Variants in KCNC3 observed in about 807,000 individuals in gnomAD.
The protein encoded by KCNC3 is potassium voltage-gated channel subfamily C member 3.
KCNC3 carries 22 observed loss-of-function variants against 43.9 expected under a neutral mutation model. The ratio of observed to expected loss-of-function variants is 0.50; its 90% CI spans 0.36 to 0.72. The LOEUF is 0.72. KCNC3 is among the 30% of genes least tolerant of loss of function. KCNC3 has a pLI of 0.00. For synonymous variants in KCNC3, 492 were observed against 488.0 expected (o/e 1.01, Z -0.11); for missense variants, 829 against 1,073.8 (o/e 0.77, Z 3.19).
At chr19:50,325,585 TCC>T (rs113699983) in intron 1 of KCNC3, among the ~76,000 whole-genome samples, 3 of 151,676 alleles carry the variant, frequency 2.0e-5, no homozygotes, top group Non-Finnish European at 2.9e-5. Flanking sequence ...CTCTCTGAAC[TCC>T]CCCCCCACCC....
At position 50,312,181 on chromosome 19, in the gene KCNC3, C is replaced by G. The variant is rs2036885366; in HGVS notation, c.*3934G>C. The G allele has an allele frequency of 6.6e-6, 1 of 152,150 alleles. No individual in the cohort carries two copies. The highest frequency in any genetic ancestry group is 1.5e-5 in the Non-Finnish European group (1 of 68,046). 9.4% of individuals were successfully genotyped at this position (152,150 alleles called of 1,614,324 possible). On this transcript the variant is annotated 3_prime_UTR_variant, in exon 5 of 5. Coordinates refer to ENST00000477616, the MANE Select transcript of KCNC3 (RefSeq NM_004977.3). ...CCAGAGTTGGACGATTTGCAGACCTCCCCTCCCCACACTGTCTCCGAACCC... is the reference window on the plus strand; with the variant it reads ...CCAGAGTTGGACGATTTGCAGACCTGCCCTCCCCACACTGTCTCCGAACCC...
chr19:50,325,827 G>T (rs1259642451), intron 1 of KCNC3, among the ~76,000 whole-genome samples: 1 of 151,882 alleles, frequency 6.6e-6, no homozygotes, highest in Non-Finnish European at 1.5e-5. Flanking sequence ...TTCCGGGCCG[G>T]AGCCTATTCA....
chr19:50,323,528 G>T lies in KCNC3; in HGVS notation c.1425C>A (p.Asp475Glu), dbSNP rs1363908751. 3.1e-6 allele frequency: 5 copies of T among 1,614,122 alleles called. No homozygotes were observed. The South Asian group carries it at 5.5e-5, about 18-fold the overall frequency. The change falls in exon 2 of 5, where the codon GAC (aspartate) becomes GAA (glutamate). Residue 475 changes from aspartate (D) to glutamate (E), a missense_variant. Physicochemically the swap from Asp to Glu is conservative, Grantham distance 45. Around this residue, in one of 7 missense-constraint regions of KCNC3, gnomAD observed 21 missense variants for 21.0 expected, o/e 1.00. Coordinates refer to ENST00000477616, the MANE Select transcript of KCNC3 (RefSeq NM_004977.3). ...GGTTGGAGCCCAGGATGTCATCGGG[G>T]TCGGCGCCAATGCGCTCAGCGTAGT... ...MIYYAERIGA[D>E]PDDILGSNHT...
intron 1 of KCNC3, among the ~76,000 whole-genome samples, chr19:50,327,431 G>A (rs1470444328): frequency 6.6e-6 from 1 of 152,070 alleles, no homozygotes; most frequent in African/African-American, 2.4e-5. Context: ...CCAAGACTCA[G>A]TATTGCAGTG....
chr19:50,319,015 GAATC>G (rs2036993058), intron 4 of KCNC3, among the ~76,000 whole-genome samples: 1 of 95,082 alleles, frequency 1.1e-5, no homozygotes, highest in Non-Finnish European at 2.4e-5. Flanking sequence ...AAAAAAAAAA[GAATC>G]AGTTGCTGAA....
At chr19:50,325,599 C>T (rs1251532805) in intron 1 of KCNC3, among the ~76,000 whole-genome samples, 2 of 152,160 alleles carry the variant, frequency 1.3e-5, no homozygotes, top group Non-Finnish European at 2.9e-5. Flanking sequence ...CCCCCACCCC[C>T]ACCTTCGCTT....
In KCNC3 at chr19:50,328,913, G is replaced by T; in HGVS notation, c.170C>A (p.Ala57Glu). ...GPAASPAGPP[A>E]PRGPGDRRAE... ...GCGCCGGTCCCCGGGCCCGCGGGGT[G>T]CCGGGGGGCCCGCCGGGGACGCGGC... Residue 57 changes from alanine (A) to glutamate (E), a missense_variant, in exon 1 of 5, where the codon GCA becomes GAA. Around this residue, in one of 7 missense-constraint regions of KCNC3, gnomAD observed 129 missense variants for 83.6 expected, o/e 1.54. Transcript: ENST00000477616. The T allele has an allele frequency of 2.2e-6, 2 of 892,476 alleles. No homozygotes were observed. Among genetic ancestry groups the T allele is most frequent in the Non-Finnish European group, 2.7e-6 (2 of 746,704 alleles). 55.3% of individuals were successfully genotyped at this position (892,476 alleles called of 1,614,324 possible).
rs1304445942 is a variant in KCNC3, at chr19:50,328,649, G to A, written c.434C>T (p.Ala145Val). The change falls in exon 1 of 5, where the codon GCG becomes GTG. Residue 145 changes from alanine to valine, a missense_variant. By Grantham distance (64) the Ala-to-Val change is moderately conservative (BLOSUM62 0). This residue lies in a region of KCNC3 where 121 missense variants were observed against 247.4 expected (regional missense o/e 0.49). Transcript: ENST00000477616. ...GGTGCGGTAGTAGTTGAGCACGTAC[G>A]CGAAGACTCCCGGGTGCCGGTCAAA... is the stretch of plus-strand genomic sequence containing the variant. ...FFFDRHPGVF[A>V]YVLNYYRTGK... The A allele has an allele frequency of 1.9e-6, 3 of 1,611,380 alleles. No individual in the cohort carries two copies. Among genetic ancestry groups the A allele is most frequent in the East Asian group, 2.2e-5 (1 of 44,794 alleles).
rs914493413 is a variant in KCNC3 at position 50,316,048 on chromosome 19, G to A, written c.*67C>T. 7.8e-6 allele frequency: 3 copies of A among 385,592 alleles called. No homozygotes were observed. The highest frequency in any genetic ancestry group is 3.9e-5 in the East Asian group (1 of 25,376). 23.9% of individuals were successfully genotyped at this position (385,592 alleles called of 1,614,324 possible). A position where few individuals can be genotyped will look rare whatever the true frequency, so the allele number is the denominator to read the frequency against. On this transcript the variant is annotated 3_prime_UTR_variant, in exon 5 of 5. Coordinates refer to ENST00000477616, the MANE Select transcript of KCNC3 (RefSeq NM_004977.3). Reference sequence around the variant, plus strand: ...AATTGCTAACCTGGGGGGAAGGGGCGGGGGGGACCGAAAGTCTCGCGAGGT... The same window carrying A: ...AATTGCTAACCTGGGGGGAAGGGGCAGGGGGGACCGAAAGTCTCGCGAGGT...
chr19:50,324,586 G>A lies in KCNC3; in HGVS notation c.871-504C>T, dbSNP rs11880719. ...CAGAATCGTGAGGTGGTTAAGAGTC[G>A]GCGAGCCTGGGCATGAATCTGGCTT... On this transcript the variant is annotated intron_variant, in intron 1 of 4. Transcript: ENST00000477616. The surrounding 1 kb of genome is among the most constrained non-coding windows in gnomAD (Gnocchi z 4.1). Among the ~76,000 whole-genome samples the A allele has an allele frequency of 4.4e-3, 677 of 152,312 alleles. 6 individuals carry two copies. The highest frequency in any genetic ancestry group is 0.016 in the African/African-American group (651 of 41,576).
chr19:50,325,304 C>T (rs1055184209), intron 1 of KCNC3, among the ~76,000 whole-genome samples: 2 of 151,996 alleles, frequency 1.3e-5, no homozygotes, highest in Non-Finnish European at 2.9e-5. Flanking sequence ...TTTAATCCTG[C>T]GGGTAGTGGA....
In KCNC3 at chr19:50,329,038, C is replaced by T. The variant is rs902125703; in HGVS notation, c.45G>A (p.Gly15=). The part of the protein sequence containing the change: ...VCVSSFRGRQ[G]ASKQQPAPPP... Reference sequence around the variant, plus strand: ...GTGGCGCCGGCTGCTGCTTGCTGGCCCCCTGGCGCCCGCGGAAGGACGAGA... The same window carrying T: ...GTGGCGCCGGCTGCTGCTTGCTGGCTCCCTGGCGCCCGCGGAAGGACGAGA... The change falls in exon 1 of 5, where the codon GGG becomes GGA. Residue 15 remains glycine (G), a synonymous_variant. Transcript: ENST00000477616. 9.6e-6 allele frequency: 13 copies of T among 1,355,712 alleles called. No homozygotes were observed. In the East Asian group the frequency reaches 1.9e-4, roughly 20 times the overall value. The allele number at this position is 1,355,712 out of a possible 1,614,324, so 84.0% of individuals were successfully genotyped here. A position where few individuals can be genotyped will look rare whatever the true frequency, so the allele number is the denominator to read the frequency against.
In KCNC3 at chr19:50,324,445, G is replaced by A. The variant is rs2037077824; in HGVS notation, c.871-363C>T. On this transcript the variant is annotated intron_variant, in intron 1 of 4. Coordinates refer to ENST00000477616, the MANE Select transcript of KCNC3 (RefSeq NM_004977.3). This position sits in a 1 kb window ranked among gnomAD's most constrained non-coding sequence, Gnocchi z 4.1. ...CAGGGCCCCCCAGCAGGGTCCACGGGTTCTGCTGTGGGACGGGAGCCGCCA... is the reference window on the plus strand; with the variant it reads ...CAGGGCCCCCCAGCAGGGTCCACGGATTCTGCTGTGGGACGGGAGCCGCCA... Among the ~76,000 whole-genome samples, 1 of 152,042 alleles carries A rather than the reference G, an allele frequency of 6.6e-6. No individual in the cohort carries two copies. Among genetic ancestry groups the A allele is most frequent in the Non-Finnish European group, 1.5e-5 (1 of 68,024 alleles).
At chr19:50,318,653 A>T (rs2036987931) in intron 4 of KCNC3, among the ~76,000 whole-genome samples, 1 of 152,186 alleles carries the variant, frequency 6.6e-6, no homozygotes, top group African/African-American at 2.4e-5. Context: ...ACAAAAACAG[A>T]TGCTGAAAGA....
At chr19:50,330,912 G>A (rs959205072), upstream of KCNC3, among the ~76,000 whole-genome samples, 29 of 151,900 alleles carry the variant, frequency 1.9e-4, no homozygotes, top group Non-Finnish European at 3.4e-4. Context: ...GCTGCGGCTG[G>A]GGCTGCGGAG....
intron 2 of KCNC3, among the ~76,000 whole-genome samples, chr19:50,322,141 C>A (rs954821851): frequency 6.7e-6 from 1 of 149,742 alleles, no homozygotes; most frequent in Non-Finnish European, 1.5e-5. Flanking sequence ...CTACTTAAGG[C>A]GGGGCAGTGC....
rs759727454 is a variant in KCNC3 at position 50,320,232 on chromosome 19, AG to A, written c.*13del. The A allele has an allele frequency of 5.1e-3, 816 of 158,644 alleles. 7 individuals carry two copies. Among genetic ancestry groups the A allele is most frequent in the African/African-American group, 0.045 (499 of 11,064 alleles). The allele number at this position is 158,644 out of a possible 1,614,324, so 9.8% of individuals were successfully genotyped here. ...GGTGGGGGCTACTTACCCCGGGGGGAGGGGGTTCGTCCACTAGGGGGATATC... is the reference window on the plus strand; with the variant it reads ...GGTGGGGGCTACTTACCCCGGGGGGAGGGGTTCGTCCACTAGGGGGATATC... On this transcript the variant is annotated 3_prime_UTR_variant, in exon 4 of 5. Transcript: ENST00000477616.
intron 4 of KCNC3, among the ~76,000 whole-genome samples, chr19:50,316,846 G>A (rs2036961440): frequency 1.3e-5 from 2 of 152,006 alleles, no homozygotes; most frequent in African/African-American, 2.4e-5. Flanking sequence ...GGAGGGTTGT[G>A]GGGCTGAAGG....
In KCNC3 at chr19:50,315,863, G is replaced by GCTGC. The variant is rs1422693461; in HGVS notation, c.*248_*251dup. 2 of 297,948 alleles carry GCTGC rather than the reference G, an allele frequency of 6.7e-6. No homozygotes were observed. Among genetic ancestry groups the GCTGC allele is most frequent in the African/African-American group, 5.2e-5 (2 of 38,790 alleles). 18.5% of individuals were successfully genotyped at this position (297,948 alleles called of 1,614,324 possible). A position where few individuals can be genotyped will look rare whatever the true frequency, so the allele number is the denominator to read the frequency against. The stretch of plus-strand genomic sequence containing the variant: ...GTGTGTGGTTTCTGCAAAGCCTGGG[G>GCTGC]CTGCCTGCAGGGTTCTGCACCCCCG... On this transcript the variant is annotated 3_prime_UTR_variant, in exon 5 of 5. Coordinates refer to ENST00000477616, the MANE Select transcript of KCNC3 (RefSeq NM_004977.3).
Sources: allele counts gnomAD v4.1 joint callset (sites outside exome capture counted in the v4.1 genomes callset), GRCh38; gene constraint gnomAD v4.1.1; regional missense constraint gnomAD v4.1.1; non-coding constraint Gnocchi (gnomAD v3.1); transcripts MANE v1.5; gene names NCBI Gene and HGNC (gene_info 2026-07-23, HGNC 2026-07-21).